The following WWOX variants were observed in gnomAD, a reference collection of about 807,000 sequenced individuals.
WWOX encodes WW domain containing oxidoreductase, also known as WW domain-containing oxidoreductase.
In WWOX, 69 loss-of-function variants were observed where a neutral mutation model predicts 46.2. The ratio of observed to expected loss-of-function variants is 1.49; its 90% CI spans 1.23 to 1.82. The LOEUF (loss-of-function observed/expected upper bound fraction) is 1.82. Among genes scored for constraint, WWOX ranks in the 40% most tolerant of loss-of-function variants. WWOX has a pLI of 0.00. For missense variants in WWOX, 919 were observed against 542.6 expected (o/e 1.69, Z -6.89); for synonymous variants, 359 against 202.6 (o/e 1.77, Z -6.56).
intron 5 of WWOX, among the ~76,000 whole-genome samples, chr16:78,343,560 T>C (rs2081050263): frequency 8.2e-6 from 1 of 121,256 alleles, no homozygotes; most frequent in Non-Finnish European, 2.0e-5. Context: ...GTCTTCATTA[T>C]GGCAAATCTA....
At chr16:78,754,126 C>T (rs1227927355) in intron 8 of WWOX, among the ~76,000 whole-genome samples, 1 of 151,996 alleles carries the variant, frequency 6.6e-6, no homozygotes, top group Non-Finnish European at 1.5e-5. Flanking sequence ...TTCCGCCAGG[C>T]ATTTCTCTTT....
chr16:78,812,571 A>G (rs1597654912), intron 8 of WWOX, among the ~76,000 whole-genome samples: 1 of 152,032 alleles, frequency 6.6e-6, no homozygotes, highest in Non-Finnish European at 1.5e-5. Flanking sequence ...AAAATAAAAA[A>G]AAAAAATTGC....
chr16:79,180,559 G>A (rs1305840982), intron 8 of WWOX, among the ~76,000 whole-genome samples: 1 of 152,154 alleles, frequency 6.6e-6, no homozygotes, highest in Non-Finnish European at 1.5e-5. Flanking sequence ...AGGAATTGGG[G>A]AAATAGGAAC....
rs539026538 is a variant in WWOX, at chr16:78,855,634, A to G, written c.1057-355974A>G. ...GATTCTAGAGCTAACCGAAGAGGGA[A>G]GACAACCTGTCTTCTCCCAGTTTCC... On this transcript the variant is annotated intron_variant, in intron 8 of 8. Transcript: ENST00000566780. 2.6e-5 allele frequency among the ~76,000 whole-genome samples: 4 copies of G among 152,324 alleles called. No individual in the cohort carries two copies. The East Asian group carries it at 7.7e-4, about 29-fold the overall frequency.
At chr16:79,022,592 T>C (rs1300851470) in intron 8 of WWOX, among the ~76,000 whole-genome samples, 1 of 152,156 alleles carries the variant, frequency 6.6e-6, no homozygotes, top group Admixed American at 6.6e-5. Flanking sequence ...GAAGGGAACA[T>C]ACTTTTAGGA....
intron 8 of WWOX, among the ~76,000 whole-genome samples, chr16:79,030,259 A>G (rs1567499711): frequency 6.6e-6 from 1 of 152,180 alleles, no homozygotes; most frequent in Admixed American, 6.5e-5. Context: ...TACTCTTTTA[A>G]TTTTTTTAAT....
At chr16:78,444,336 C>G (rs2083511091) in intron 8 of WWOX, among the ~76,000 whole-genome samples, 2 of 151,908 alleles carry the variant, frequency 1.3e-5, no homozygotes, top group African/African-American at 2.4e-5. Context: ...ATCAGTTAAC[C>G]AAGAATAGCC....
At chr16:78,865,196 G>T (rs2043977399) in intron 8 of WWOX, among the ~76,000 whole-genome samples, 1 of 152,284 alleles carries the variant, frequency 6.6e-6, no homozygotes, top group South Asian at 2.1e-4. Flanking sequence ...CGATGGATAT[G>T]TTTAAGAGAA....
At chr16:78,681,238 C>CATAA (rs377376006) in intron 8 of WWOX, among the ~76,000 whole-genome samples, 3,133 of 151,876 alleles carry the variant, frequency 0.021, 48 homozygotes, top group Non-Finnish European at 0.032. Flanking sequence ...AAGACTGTCT[C>CATAA]ATAAATAAAT....
intron 8 of WWOX, among the ~76,000 whole-genome samples, chr16:78,693,618 A>C (rs938164182): frequency 1.3e-5 from 2 of 152,158 alleles, no homozygotes; most frequent in African/African-American, 4.8e-5. Context: ...TGTCGGGAAC[A>C]TTTGGCAATG....
intron 5 of WWOX, among the ~76,000 whole-genome samples, chr16:78,325,300 TATAA>T (rs1228905298): frequency 2.0e-5 from 3 of 152,262 alleles, no homozygotes; most frequent in Non-Finnish European, 4.4e-5. Flanking sequence ...TTTATGACTT[TATAA>T]ATACTCAGAT....
chr16:78,270,686 G>T (rs2079459765), intron 5 of WWOX: 1 of 152,090 alleles, frequency 6.6e-6, no homozygotes, highest in African/African-American at 2.4e-5. Flanking sequence ...CAAGGAAGAG[G>T]GTGAACGTGT....
intron 8 of WWOX, among the ~76,000 whole-genome samples, chr16:79,040,626 G>A (rs941766977): frequency 2.0e-4 from 31 of 152,052 alleles, no homozygotes; most frequent in African/African-American, 6.5e-4. Flanking sequence ...GGAAAATCAT[G>A]ACTGTAAAAC....
At chr16:78,478,272 G>T (rs1458525619) in intron 8 of WWOX, among the ~76,000 whole-genome samples, 2 of 152,050 alleles carry the variant, frequency 1.3e-5, no homozygotes, top group South Asian at 2.1e-4. Flanking sequence ...TCTTTTTATA[G>T]CTCATTAATG....
intron 5 of WWOX, among the ~76,000 whole-genome samples, chr16:78,233,247 A>T (rs1275488336): frequency 6.6e-6 from 1 of 152,214 alleles, no homozygotes; most frequent in Non-Finnish European, 1.5e-5. Context: ...AGATTTATTC[A>T]TCTCTGTTCA....
intron 8 of WWOX, among the ~76,000 whole-genome samples, chr16:78,988,113 C>G (rs937886121): frequency 8.5e-5 from 13 of 152,114 alleles, no homozygotes; most frequent in African/African-American, 2.7e-4. Flanking sequence ...GAGGCCGAGG[C>G]TGGTGGATCA....
intron 8 of WWOX, among the ~76,000 whole-genome samples, chr16:78,930,350 T>C (rs1302573688): frequency 6.6e-6 from 1 of 150,666 alleles, no homozygotes; most frequent in African/African-American, 2.4e-5. Context: ...CATTCATGGC[T>C]CACTGCAGCC....
intron 8 of WWOX, chr16:78,890,513 G>T (rs1158054891): frequency 6.6e-6 from 1 of 152,210 alleles, no homozygotes; most frequent in African/African-American, 2.4e-5. Context: ...AAGCCTCCTG[G>T]CTTCCCTGAA....
At chr16:78,937,969 C>G (rs1184921373) in intron 8 of WWOX, among the ~76,000 whole-genome samples, 2 of 152,156 alleles carry the variant, frequency 1.3e-5, no homozygotes, top group Non-Finnish European at 1.5e-5. Context: ...TCAGTGTTTT[C>G]TTATTCCTCA....
Sources: gnomAD v4.1 joint callset for allele counts (sites outside exome capture counted in the v4.1 genomes callset) on GRCh38, gnomAD v4.1.1 for gene constraint, MANE v1.5 for transcripts, NCBI Gene and HGNC (gene_info 2026-07-23, HGNC 2026-07-21) for gene names.